CDH13: variants seen among roughly 807,000 people sequenced by gnomAD.
CDH13 encodes cadherin 13.
In CDH13, 24 loss-of-function variants were observed where a neutral mutation model predicts 63.8. The observed-to-expected ratio is 0.38, with a 90% confidence interval of 0.27 to 0.53. CDH13 has a LOEUF of 0.53. Ranked by LOEUF, CDH13 falls within the 20% of genes least tolerant of loss-of-function variation. CDH13 has a pLI of 0.85. For missense variants in CDH13, 1,049 were observed against 903.1 expected (o/e 1.16, Z -2.07); for synonymous variants, 503 against 355.3 (o/e 1.42, Z -4.67).
At chr16:83,363,628 TG>T (rs2091204733) in intron 6 of CDH13, among the ~76,000 whole-genome samples, 1 of 152,190 alleles carries the variant, frequency 6.6e-6, no homozygotes, top group African/African-American at 2.4e-5. Flanking sequence ...GGCAGAATTT[TG>T]AGAGACTTCA....
chr16:83,160,548 A>T (rs2037404751), intron 4 of CDH13, among the ~76,000 whole-genome samples: 1 of 152,192 alleles, frequency 6.6e-6, no homozygotes, highest in Non-Finnish European at 1.5e-5. Flanking sequence ...ATCAAAGGGC[A>T]CATTTAGCAT....
chr16:83,433,896 A>T (rs898144357), intron 6 of CDH13, among the ~76,000 whole-genome samples: 2 of 152,220 alleles, frequency 1.3e-5, no homozygotes, highest in Admixed American at 6.5e-5. Flanking sequence ...TAATCTAAAA[A>T]TATGAATTAT....
At chr16:83,215,501 G>GAA (rs59699629) in intron 4 of CDH13, among the ~76,000 whole-genome samples, 7 of 148,152 alleles carry the variant, frequency 4.7e-5, no homozygotes, top group African/African-American at 1.7e-4. Flanking sequence ...TTTTTAATCG[G>GAA]AAAAAAAAAA....
At chr16:83,421,821 T>C (rs1485153498) in intron 6 of CDH13, among the ~76,000 whole-genome samples, 2 of 152,358 alleles carry the variant, frequency 1.3e-5, no homozygotes, top group Admixed American at 6.5e-5. Context: ...CTTTCAGACA[T>C]TGAAATGCTT....
At chr16:83,340,192 A>G (rs1453204804) in intron 5 of CDH13, among the ~76,000 whole-genome samples, 3 of 152,376 alleles carry the variant, frequency 2.0e-5, no homozygotes, top group African/African-American at 7.2e-5. Flanking sequence ...CAGCATGCAC[A>G]GTTGAAGATT....
intron 2 of CDH13, among the ~76,000 whole-genome samples, chr16:82,885,645 A>G (rs932809996): frequency 2.0e-5 from 3 of 152,078 alleles, no homozygotes; most frequent in African/African-American, 2.4e-5. Flanking sequence ...TAATCTATCC[A>G]TCCATTCATC....
intron 8 of CDH13, among the ~76,000 whole-genome samples, chr16:83,657,812 G>A (rs1296928850): frequency 1.3e-5 from 2 of 152,190 alleles, no homozygotes; most frequent in Non-Finnish European, 2.9e-5. Context: ...AGCACTGCCA[G>A]CCACATGTCC....
chr16:83,193,643 C>T (rs369801443), intron 4 of CDH13, among the ~76,000 whole-genome samples: 1 of 152,212 alleles, frequency 6.6e-6, no homozygotes, highest in African/African-American at 2.4e-5. Context: ...CTTGAGAGCT[C>T]CTGTCTTCAT....
chr16:83,500,014 G>C (rs1446993332), intron 7 of CDH13, among the ~76,000 whole-genome samples: 1 of 151,946 alleles, frequency 6.6e-6, no homozygotes, highest in Non-Finnish European at 1.5e-5. Context: ...TGTTGGCCAG[G>C]CTGGTCTTGA....
chr16:83,565,482 T>G (rs1027125262), intron 7 of CDH13, among the ~76,000 whole-genome samples: 2 of 149,672 alleles, frequency 1.3e-5, no homozygotes, highest in African/African-American at 4.9e-5. Context: ...ATGATTCCAC[T>G]CCTTGAGGAC....
At chr16:82,776,542 C>A (rs1308465481) in intron 1 of CDH13, among the ~76,000 whole-genome samples, 4 of 152,152 alleles carry the variant, frequency 2.6e-5, no homozygotes, top group African/African-American at 4.8e-5. Context: ...GTGCAGACAA[C>A]CTGCAAATAT....
At chr16:82,917,348 A>AG (rs1372946266) in intron 2 of CDH13, among the ~76,000 whole-genome samples, 1 of 152,210 alleles carries the variant, frequency 6.6e-6, no homozygotes, top group Non-Finnish European at 1.5e-5. Context: ...ATTTCAACTC[A>AG]GGTTCAGAGG....
intron 2 of CDH13, among the ~76,000 whole-genome samples, chr16:82,916,729 TTA>T (rs1237038484): frequency 1.3e-5 from 2 of 152,230 alleles, no homozygotes; most frequent in Admixed American, 6.5e-5. Flanking sequence ...AACAATATTT[TTA>T]TGTTTGTTAA....
intron 8 of CDH13, among the ~76,000 whole-genome samples, chr16:83,661,422 G>A (rs528858709): frequency 2.0e-5 from 3 of 151,182 alleles, no homozygotes; most frequent in African/African-American, 7.3e-5. Context: ...GGTCAAGGCT[G>A]CAATGAGACG....
chr16:83,608,139 A>G (rs1908518895), intron 8 of CDH13, among the ~76,000 whole-genome samples: 1 of 152,248 alleles, frequency 6.6e-6, no homozygotes, highest in Non-Finnish European at 1.5e-5. Flanking sequence ...ATTTAGATTT[A>G]ATAATTTAGG....
chr16:83,363,222 G>C (rs1397007017), intron 6 of CDH13, among the ~76,000 whole-genome samples: 1 of 152,204 alleles, frequency 6.6e-6, no homozygotes, highest in Non-Finnish European at 1.5e-5. Context: ...ATTTCTAGAA[G>C]CTGGGAGATG....
chr16:82,827,435 C>G (rs1260950027), intron 1 of CDH13, among the ~76,000 whole-genome samples: 2 of 152,114 alleles, frequency 1.3e-5, no homozygotes, highest in South Asian at 4.2e-4. Context: ...GAACAAAGAA[C>G]CTCACCAAAT....
At chr16:83,295,998 A>C (rs1345069498) in intron 5 of CDH13, among the ~76,000 whole-genome samples, 1 of 152,162 alleles carries the variant, frequency 6.6e-6, no homozygotes. Flanking sequence ...TTATGAGCCT[A>C]TTGATGTTTC....
intron 1 of CDH13, among the ~76,000 whole-genome samples, chr16:82,796,583 C>A (rs1042288179): frequency 2.0e-4 from 31 of 152,144 alleles, no homozygotes; most frequent in African/African-American, 6.5e-4. Flanking sequence ...TACCTTTGAC[C>A]TTCAGATCCA....
Sources: gnomAD v4.1 joint callset for allele counts (sites outside exome capture counted in the v4.1 genomes callset) on GRCh38, gnomAD v4.1.1 for gene constraint, MANE v1.5 for transcripts, NCBI Gene and HGNC (gene_info 2026-07-23, HGNC 2026-07-21) for gene names.